Variants in BBS9 observed in about 807,000 individuals in gnomAD.
The protein encoded by BBS9 is Bardet-Biedl syndrome 9.
In BBS9, 89 loss-of-function variants were observed where a neutral mutation model predicts 117.7. The ratio of observed to expected loss-of-function variants is 0.76; its 90% CI spans 0.64 to 0.90. The LOEUF (loss-of-function observed/expected upper bound fraction) is 0.90. BBS9 is among the 40% of genes least tolerant of loss of function. The pLI is 0.00. For missense variants in BBS9, 982 were observed against 1,042.2 expected (o/e 0.94, Z 0.80); for synonymous variants, 379 against 370.9 (o/e 1.02, Z -0.25).
chr7:33,421,735 C>A (rs1426799223), intron 19 of BBS9, among the ~76,000 whole-genome samples: 1 of 152,110 alleles, frequency 6.6e-6, no homozygotes, highest in African/African-American at 2.4e-5. Context: ...CTCCTGCTCC[C>A]CATCCTCTGA....
At chr7:33,194,162 G>A (rs952047290) in intron 5 of BBS9, among the ~76,000 whole-genome samples, 3 of 152,158 alleles carry the variant, frequency 2.0e-5, no homozygotes, top group Non-Finnish European at 4.4e-5. Flanking sequence ...ATGTGGTAAA[G>A]GTAGAACTTA....
chr7:33,452,511 G>A (rs1175486096), intron 19 of BBS9, among the ~76,000 whole-genome samples: 3 of 152,122 alleles, frequency 2.0e-5, no homozygotes, highest in African/African-American at 7.2e-5. Context: ...TAGCCTCAGC[G>A]TTCTTATTTT....
chr7:33,394,951 G>C (rs947299603), intron 19 of BBS9, among the ~76,000 whole-genome samples: 2 of 152,144 alleles, frequency 1.3e-5, no homozygotes, highest in African/African-American at 4.8e-5. Context: ...CAGATATTAA[G>C]CATTGTATTC....
intron 7 of BBS9, among the ~76,000 whole-genome samples, chr7:33,267,522 T>C (rs1331366617): frequency 6.6e-6 from 1 of 152,026 alleles, no homozygotes; most frequent in East Asian, 1.9e-4. Context: ...TATAACTCTT[T>C]GTTTTGTTAT....
intron 20 of BBS9, among the ~76,000 whole-genome samples, chr7:33,519,027 G>C (rs1395285750): frequency 6.6e-6 from 1 of 151,934 alleles, no homozygotes; most frequent in African/African-American, 2.4e-5. Flanking sequence ...AAATAGCCAT[G>C]TCTTAAAATA....
intron 20 of BBS9, among the ~76,000 whole-genome samples, chr7:33,518,912 T>C (rs1848206620): frequency 6.6e-6 from 1 of 152,176 alleles, no homozygotes; most frequent in Non-Finnish European, 1.5e-5. Flanking sequence ...ATATTTTTTT[T>C]CTCCAGACTT....
intron 19 of BBS9, among the ~76,000 whole-genome samples, chr7:33,394,804 G>A (rs1018465320): frequency 2.6e-5 from 4 of 152,152 alleles, no homozygotes; most frequent in African/African-American, 7.2e-5. Flanking sequence ...TATTTGTTGG[G>A]TGTCTGCTGA....
intron 1 of BBS9, among the ~76,000 whole-genome samples, chr7:33,138,389 A>G (rs1278928354): frequency 6.6e-6 from 1 of 151,252 alleles, no homozygotes; most frequent in African/African-American, 2.4e-5. Flanking sequence ...ATATCCACTT[A>G]GGCAATCAGG....
At chr7:33,327,658 C>T (rs1041366771) in intron 9 of BBS9, among the ~76,000 whole-genome samples, 2 of 152,174 alleles carry the variant, frequency 1.3e-5, no homozygotes, top group Middle Eastern at 3.2e-3. Context: ...CATACCACTG[C>T]ACTCCAGCCT....
At chr7:33,630,213 C>T (rs1865821437) in intron 21 of BBS9, among the ~76,000 whole-genome samples, 1 of 152,132 alleles carries the variant, frequency 6.6e-6, no homozygotes, top group Non-Finnish European at 1.5e-5. Flanking sequence ...CACATGAAAA[C>T]CACTTCAAGC....
intron 5 of BBS9, among the ~76,000 whole-genome samples, chr7:33,183,251 C>T (rs1209030206): frequency 6.6e-6 from 1 of 151,932 alleles, no homozygotes; most frequent in African/African-American, 2.4e-5. Context: ...CCAAGGTGTC[C>T]CAAGCTGTTA....
At position 33,494,396 on chromosome 7, in the gene BBS9, TTTAAAG is replaced by T. The variant is rs544645197; in HGVS notation, c.2116-11061_2116-11056del. ...ATGATATGACTCTGTGATGATGTATTTTAAAGTTAAATTACAGACTTCATAACACTT... is the reference window on the plus strand; with the variant it reads ...ATGATATGACTCTGTGATGATGTATTTTAAATTACAGACTTCATAACACTT... On this transcript the variant is annotated intron_variant, in intron 19 of 22. Transcript: ENST00000242067. Among the ~76,000 whole-genome samples, 240 of 152,300 alleles carry T rather than the reference TTTAAAG, an allele frequency of 1.6e-3. 2 individuals carry two copies. The highest frequency in any genetic ancestry group is 6.8e-3 in the Middle Eastern group (2 of 294).
At chr7:33,545,398 C>A (rs904756549) in intron 21 of BBS9, among the ~76,000 whole-genome samples, 10 of 152,124 alleles carry the variant, frequency 6.6e-5, no homozygotes, top group Non-Finnish European at 4.4e-5. Context: ...CTTCCTCTAT[C>A]CCTGTATTTT....
chr7:33,259,132 G>A (rs1797558654), intron 6 of BBS9, among the ~76,000 whole-genome samples: 1 of 152,108 alleles, frequency 6.6e-6, no homozygotes, highest in South Asian at 2.1e-4. Context: ...TTGGATTTTG[G>A]AGAAAGCATG....
chr7:33,436,755 C>CT (rs1187247114), intron 19 of BBS9, among the ~76,000 whole-genome samples: 2 of 152,190 alleles, frequency 1.3e-5, no homozygotes, highest in African/African-American at 4.8e-5. Context: ...AAGCTGTGAG[C>CT]TGATTAACGG....
intron 21 of BBS9, among the ~76,000 whole-genome samples, chr7:33,578,684 G>T (rs1256155687): frequency 2.6e-5 from 4 of 152,090 alleles, no homozygotes; most frequent in African/African-American, 9.7e-5. Context: ...AAAAACCAAG[G>T]TTTCAGGTAG....
At chr7:33,450,687 A>T (rs988050949) in intron 19 of BBS9, among the ~76,000 whole-genome samples, 1 of 152,152 alleles carries the variant, frequency 6.6e-6, no homozygotes, top group African/African-American at 2.4e-5. Context: ...AGAAATCTCT[A>T]TTCAAATTCT....
At position 33,146,418 on chromosome 7, in the gene BBS9, A is replaced by C. The variant is rs1230992484; in HGVS notation, c.112+54A>C. On this transcript the variant is annotated intron_variant, in intron 2 of 22. Transcript: ENST00000242067. ...ATGAAAGTTTTAAAGAGATCAAATAAGACTGGGCACGGTGGCCGACTGCTG... is the reference window on the plus strand; with the variant it reads ...ATGAAAGTTTTAAAGAGATCAAATACGACTGGGCACGGTGGCCGACTGCTG... 5.6e-6 allele frequency: 8 copies of C among 1,423,796 alleles called. No homozygotes were observed. In the Admixed American group the frequency reaches 1.0e-4, roughly 18 times the overall value. The allele number at this position is 1,423,796 out of a possible 1,614,324, so 88.2% of individuals were successfully genotyped here.
At chr7:33,566,486 G>A (rs1856950631) in intron 21 of BBS9, among the ~76,000 whole-genome samples, 1 of 152,092 alleles carries the variant, frequency 6.6e-6, no homozygotes, top group East Asian at 1.9e-4. Flanking sequence ...CCCACTTAAT[G>A]AAGAAAATCA....
Sources: gnomAD v4.1 joint callset for allele counts (sites outside exome capture counted in the v4.1 genomes callset) on GRCh38, gnomAD v4.1.1 for gene constraint, MANE v1.5 for transcripts, NCBI Gene and HGNC (gene_info 2026-07-23, HGNC 2026-07-21) for gene names.